Variants in ZNF385D observed in about 807,000 individuals in gnomAD.
ZNF385D encodes zinc finger protein 659.
A neutral mutation model predicts 35.8 loss-of-function variants in ZNF385D; 15 were observed. That is an observed-to-expected ratio of 0.42 (90% CI 0.28 to 0.64). The LOEUF (loss-of-function observed/expected upper bound fraction) is 0.64, where lower values mean the gene tolerates loss of function less well. Among genes scored for constraint, ZNF385D ranks in the 30% least tolerant of loss-of-function variants. The pLI, the probability that ZNF385D is intolerant of heterozygous loss-of-function variation, is 0.23. For synonymous variants in ZNF385D, 212 were observed against 186.8 expected, an observed-to-expected ratio of 1.13 and a Z score of -1.10; for missense variants, 474 against 494.6, an observed-to-expected ratio of 0.96 and a Z score of 0.39.
chr3:21,506,222 A>C (rs183451193), intron 4 of ZNF385D, among the ~76,000 whole-genome samples: 8 of 150,678 alleles, frequency 5.3e-5, no homozygotes, highest in African/African-American at 9.8e-5. Context: ...GTGTCAGTCC[A>C]CTAAAAAGCT....
At chr3:21,652,870 T>C (rs749037312) in intron 2 of ZNF385D, among the ~76,000 whole-genome samples, 6 of 152,220 alleles carry the variant, frequency 3.9e-5, no homozygotes, top group Non-Finnish European at 8.8e-5. Context: ...AATAACAATG[T>C]TGATCACCTG....
chr3:21,953,823 GAGTA>G (rs1361265564), intron 3 of ZNF385D, among the ~76,000 whole-genome samples: 1 of 151,960 alleles, frequency 6.6e-6, no homozygotes, highest in African/African-American at 2.4e-5. Flanking sequence ...AGAAAAATTA[GAGTA>G]AGTGATTTCT....
At chr3:22,205,722 C>A (rs1576493957) in intron 2 of ZNF385D, among the ~76,000 whole-genome samples, 1 of 151,974 alleles carries the variant, frequency 6.6e-6, no homozygotes, top group East Asian at 1.9e-4. Context: ...TTGCAAGCCC[C>A]ATGGTAACTC....
chr3:21,759,100 A>G (rs1334852135), intron 3 of ZNF385D, among the ~76,000 whole-genome samples: 1 of 151,782 alleles, frequency 6.6e-6, no homozygotes, highest in African/African-American at 2.4e-5. Context: ...AGTTGAGGAA[A>G]TGAAGCATAT....
chr3:21,672,675 T>C (rs2066612467), intron 1 of ZNF385D, among the ~76,000 whole-genome samples: 1 of 152,188 alleles, frequency 6.6e-6, no homozygotes. Flanking sequence ...TCATTTTCAG[T>C]TGTGGTATTT....
intron 3 of ZNF385D, among the ~76,000 whole-genome samples, chr3:21,762,477 T>C (rs1347742095): frequency 1.3e-5 from 2 of 152,170 alleles, no homozygotes; most frequent in African/African-American, 4.8e-5. Flanking sequence ...TACTCATCAT[T>C]AGTGACTACT....
Position 21,424,301 on chromosome 3 carries a change from TTA to T in ZNF385D, c.853-239_853-238del, listed in dbSNP as rs1228574145. ...TATATATATACTTATATATATATATTTATATATATATATATATTTTTTTTTTT... is the reference window on the plus strand; with the variant it reads ...TATATATATACTTATATATATATATTTATATATATATATATTTTTTTTTTT... On this transcript the variant is annotated intron_variant, in intron 6 of 7. Transcript: ENST00000281523. Among the ~76,000 whole-genome samples, 149 of 80,150 alleles carry T rather than the reference TTA, an allele frequency of 1.9e-3. 4 individuals are homozygous for T. Among genetic ancestry groups the T allele is most frequent in the South Asian group, 4.4e-3 (9 of 2,038 alleles). 52.6% of individuals were successfully genotyped at this position (80,150 alleles called of 152,430 possible). A position where few individuals can be genotyped will look rare whatever the true frequency, so the allele number is the denominator to read the frequency against.
chr3:21,496,787 C>T (rs1359765124), intron 4 of ZNF385D, among the ~76,000 whole-genome samples: 1 of 151,696 alleles, frequency 6.6e-6, no homozygotes, highest in Non-Finnish European at 1.5e-5. Context: ...ATAAAGAGAA[C>T]AAAGACAAAA....
At chr3:22,070,163 TC>T (rs1700159517) in intron 3 of ZNF385D, among the ~76,000 whole-genome samples, 1 of 152,170 alleles carries the variant, frequency 6.6e-6, no homozygotes, top group Non-Finnish European at 1.5e-5. Context: ...CATCTTATTT[TC>T]TAACAACAAG....
At chr3:22,291,992 A>T (rs1245722806) in intron 2 of ZNF385D, among the ~76,000 whole-genome samples, 1 of 152,082 alleles carries the variant, frequency 6.6e-6, no homozygotes, top group East Asian at 1.9e-4. Context: ...CACAAAAGAT[A>T]ATCACATACT....
At chr3:21,578,400 C>T (rs2063555813) in intron 2 of ZNF385D, among the ~76,000 whole-genome samples, 1 of 152,054 alleles carries the variant, frequency 6.6e-6, no homozygotes, top group Admixed American at 6.6e-5. Context: ...AAAATCTTTG[C>T]CCAGACCAAT....
chr3:22,268,697 A>C (rs1701021128), intron 2 of ZNF385D, among the ~76,000 whole-genome samples: 1 of 152,082 alleles, frequency 6.6e-6, no homozygotes, highest in South Asian at 2.1e-4. Flanking sequence ...GATATAACTT[A>C]ATCTATCAAA....
chr3:22,225,352 C>T (rs911632148), intron 2 of ZNF385D, among the ~76,000 whole-genome samples: 2 of 152,132 alleles, frequency 1.3e-5, no homozygotes, highest in Non-Finnish European at 2.9e-5. Flanking sequence ...CTGAGGCTCT[C>T]GTGTAACCCG....
At chr3:21,936,532 CAT>C (rs1010502774) in intron 3 of ZNF385D, among the ~76,000 whole-genome samples, 12 of 151,896 alleles carry the variant, frequency 7.9e-5, no homozygotes, top group Admixed American at 2.6e-4. Flanking sequence ...TCATGGAACA[CAT>C]AGTTTTTTTT....
intron 3 of ZNF385D, among the ~76,000 whole-genome samples, chr3:22,165,164 A>G (rs1457003799): frequency 2.0e-5 from 3 of 152,200 alleles, no homozygotes; most frequent in African/African-American, 7.2e-5. Flanking sequence ...ACTTTGGGTG[A>G]TAGTGATGTG....
intron 3 of ZNF385D, among the ~76,000 whole-genome samples, chr3:21,856,616 C>T (rs1011722076): frequency 1.3e-5 from 2 of 152,040 alleles, no homozygotes; most frequent in East Asian, 3.9e-4. Context: ...GTTGGGTCCA[C>T]ATTCAGAATA....
At chr3:21,712,884 T>C (rs1316632942) in intron 1 of ZNF385D, among the ~76,000 whole-genome samples, 1 of 152,236 alleles carries the variant, frequency 6.6e-6, no homozygotes, top group Non-Finnish European at 1.5e-5. Context: ...CCCTGAAATA[T>C]TGCAACAGAC....
intron 3 of ZNF385D, among the ~76,000 whole-genome samples, chr3:22,078,314 G>A (rs563808288): frequency 2.6e-5 from 4 of 151,918 alleles, no homozygotes; most frequent in South Asian, 2.1e-4. Context: ...TGACTGCATC[G>A]CATTGCAATA....
intron 3 of ZNF385D, among the ~76,000 whole-genome samples, chr3:21,836,135 A>C (rs1360182742): frequency 6.6e-6 from 1 of 151,676 alleles, no homozygotes; most frequent in African/African-American, 2.4e-5. Context: ...TGGGGAAAAA[A>C]AGTTATTTTT....
Sources: gnomAD v4.1 joint callset for allele counts (sites outside exome capture counted in the v4.1 genomes callset) on GRCh38, gnomAD v4.1.1 for gene constraint, MANE v1.5 for transcripts, NCBI Gene and HGNC (gene_info 2026-07-23, HGNC 2026-07-21) for gene names.